Variants in ZBTB43 observed in about 807,000 individuals in gnomAD.
ZBTB43 encodes zinc finger and BTB domain containing 43.
A neutral mutation model predicts 31.1 loss-of-function variants in ZBTB43; 6 were observed. The observed-to-expected ratio is 0.19, with a 90% CI of 0.11 to 0.38. ZBTB43 has a LOEUF of 0.38. Among genes scored for constraint, ZBTB43 ranks in the 10% least tolerant of loss-of-function variants. The pLI, the probability that ZBTB43 is intolerant of heterozygous loss-of-function variation, is 1.00. For synonymous variants in ZBTB43, 212 were observed against 221.7 expected (o/e 0.96, Z 0.39); for missense variants, 379 against 602.1 (o/e 0.63, Z 3.88).
At chr9:126,815,335 TATATAGTTTTCAATATATAAAA>T (rs1261069211) in intron 2 of ZBTB43, among the ~76,000 whole-genome samples, 16 of 144,982 alleles carry the variant, frequency 1.1e-4, no homozygotes, top group African/African-American at 3.8e-4. Context: ...TAAAACTATA[TATATAGTTTTCAATATATAAAA>T]ATATATATAT....
At position 126,826,013 on chromosome 9, in the gene ZBTB43, AT is replaced by A. The variant is rs35825124; in HGVS notation, c.-23-6457del. Among the ~76,000 whole-genome samples the A allele has an allele frequency of 4.7e-3, 568 of 120,988 alleles. 6 individuals carry two copies. Among genetic ancestry groups the A allele is most frequent in the Middle Eastern group, 0.017 (4 of 232 alleles). 79.4% of individuals were successfully genotyped at this position (120,988 alleles called of 152,430 possible). ...AGGCTCATGACACCATGCCCAGCCA[AT>A]TTTTTTTTTTTTTTTTGAGATGAAG... On this transcript the variant is annotated intron_variant, in intron 2 of 2. Coordinates refer to ENST00000373464, the MANE Select transcript of ZBTB43 (RefSeq NM_014007.4).
chr9:126,817,499 G>A (rs111926263), intron 2 of ZBTB43, among the ~76,000 whole-genome samples: 22,214 of 139,108 alleles, frequency 0.16, 2,055 homozygotes, highest in Middle Eastern at 0.25. Context: ...TTTTTGAGAC[G>A]GAGTCTCGCT....
In ZBTB43 at chr9:126,814,461, C is replaced by T. The variant is rs114631550; in HGVS notation, c.-24+5546C>T. Among the ~76,000 whole-genome samples the T allele has an allele frequency of 3.8e-3, 564 of 149,660 alleles. 7 individuals carry two copies. The highest frequency in any genetic ancestry group is 0.013 in the African/African-American group (524 of 40,806). On this transcript the variant is annotated intron_variant, in intron 2 of 2. Transcript: ENST00000373464. ...ACTTTTTTTTTTTTAAACTTTTGAC[C>T]TTTTTGGTGATAAATTCTTTCAACT...
At chr9:126,829,519 A>C (rs918753774) in intron 2 of ZBTB43, among the ~76,000 whole-genome samples, 7 of 152,194 alleles carry the variant, frequency 4.6e-5, no homozygotes, top group African/African-American at 1.7e-4. Flanking sequence ...AGATATATTA[A>C]GTGACAAAAG....
Position 126,833,884 on chromosome 9 carries a change from G to A in ZBTB43, c.1375G>A (p.Ala459Thr). The A allele has an allele frequency of 6.3e-7, 1 of 1,589,692 alleles. No homozygotes were observed. Among genetic ancestry groups the A allele is most frequent in the Non-Finnish European group, 8.6e-7 (1 of 1,159,772 alleles). The change falls in exon 3 of 3, where the codon GCT (alanine) becomes ACT (threonine). Residue 459 changes from alanine (A) to threonine (T), a missense_variant. Physicochemically the swap from Ala to Thr is moderately conservative, Grantham distance 58. Transcript: ENST00000373464. This position sits in a 1 kb window ranked among gnomAD's most constrained non-coding sequence, Gnocchi z 7.9. Reference protein sequence around the residue: ...SCTKSYEAAKAEQNTTEAN With the variant: ...SCTKSYEAAKTEQNTTEAN The stretch of plus-strand genomic sequence containing the variant: ...TACTAAGTCCTACGAAGCTGCAAAG[G>A]CTGAGCAGAATACAACTGAGGCTAA...
At chr9:126,831,990 T>C (rs1023136344) in intron 2 of ZBTB43, 5 of 146,612 alleles carry the variant, frequency 3.4e-5, no homozygotes, top group Non-Finnish European at 7.4e-5. Flanking sequence ...CTGGACATGG[T>C]GGCATGTACA....
intron 2 of ZBTB43, among the ~76,000 whole-genome samples, chr9:126,811,805 T>C (rs1031380279): frequency 6.6e-6 from 1 of 152,262 alleles, no homozygotes. Flanking sequence ...TTTGTGTTTT[T>C]AGTAGAGACG....
chr9:126,832,670 G>A lies in ZBTB43; in HGVS notation c.161G>A (p.Ser54Asn). ...GCACACAAAGCCGTTCTTGCTGCCA[G>A]TTCACCCTACTTTTGTGACCAGGTA... ...FRAHKAVLAA[S>N]SPYFCDQVLL... Residue 54 changes from serine (S) to asparagine (N), a missense_variant, in exon 3 of 3, where the codon AGT becomes AAT. Transcript: ENST00000373464. 2 of 1,614,142 alleles carry A rather than the reference G, an allele frequency of 1.2e-6. No homozygotes were observed. Among genetic ancestry groups the A allele is most frequent in the Non-Finnish European group, 1.7e-6 (2 of 1,180,038 alleles).
intron 1 of ZBTB43, among the ~76,000 whole-genome samples, 184 bp from the exon 2 acceptor site, chr9:126,808,609 G>A (rs1021222242): frequency 2.0e-5 from 3 of 152,046 alleles, no homozygotes; most frequent in African/African-American, 7.2e-5. Flanking sequence ...TACAAAATAA[G>A]TTTGTTTTTT....
rs1564208008 is a variant in ZBTB43, at chr9:126,832,921, A to G, written c.412A>G (p.Ser138Gly). Residue 138 changes from serine (S) to glycine (G), a missense_variant, in exon 3 of 3, where the codon AGT becomes GGT. Coordinates refer to ENST00000373464, the MANE Select transcript of ZBTB43 (RefSeq NM_014007.4). ...TVLCQKLNHG[S>G]DHQSPSSSSY... Reference sequence around the variant, plus strand: ...CCTTTGTCAGAAGCTAAATCATGGCAGTGACCACCAGTCACCAAGCAGCAG... The same window carrying G: ...CCTTTGTCAGAAGCTAAATCATGGCGGTGACCACCAGTCACCAAGCAGCAG... 3.1e-6 allele frequency: 5 copies of G among 1,613,794 alleles called. No individual in the cohort carries two copies. Among genetic ancestry groups the G allele is most frequent in the African/African-American group, 1.3e-5 (1 of 74,926 alleles).
At position 126,833,397 on chromosome 9, in the gene ZBTB43, G is replaced by C. The variant is rs754413999; in HGVS notation, c.888G>C (p.Lys296Asn). The change falls in exon 3 of 3, where the codon AAG becomes AAC. Residue 296 changes from lysine (K) to asparagine (N), a missense_variant. This residue lies in a region of ZBTB43 where 253 missense variants were observed against 322.3 expected (regional missense o/e 0.79). Transcript: ENST00000373464. The surrounding 1 kb of genome is among the most constrained non-coding windows in gnomAD (Gnocchi z 7.9). ...GVEEDFHIGE[K>N]KVEAEFDEQA... ...AGGAGGACTTCCACATCGGGGAGAAGAAAGTGGAAGCTGAGTTTGATGAAC... is the reference window on the plus strand; with the variant it reads ...AGGAGGACTTCCACATCGGGGAGAACAAAGTGGAAGCTGAGTTTGATGAAC... 1.9e-6 allele frequency: 3 copies of C among 1,614,064 alleles called. No homozygotes were observed. The highest frequency in any genetic ancestry group is 2.7e-5 in the African/African-American group (2 of 75,046).
intron 2 of ZBTB43, chr9:126,831,464 C>T (rs1278050666): frequency 6.6e-6 from 1 of 152,010 alleles, no homozygotes; most frequent in Non-Finnish European, 1.5e-5. Context: ...GATGGTGCCA[C>T]TACACTCCAG....
chr9:126,806,777 A>G (rs1476040643), intron 1 of ZBTB43, among the ~76,000 whole-genome samples: 1 of 152,068 alleles, frequency 6.6e-6, no homozygotes, highest in East Asian at 1.9e-4. Context: ...ATTGATTCCT[A>G]CTCTCTTTAC....
In ZBTB43 at chr9:126,833,934, G is replaced by A. The variant is rs1413013619; in HGVS notation, c.*21G>A. ...ACTAAAAATAGGATCTGGCCCTTGA[G>A]TGGCATGCACAAAAATAAACTATGG... On this transcript the variant is annotated 3_prime_UTR_variant, in exon 3 of 3. Transcript: ENST00000373464. The surrounding 1 kb of genome is among the most constrained non-coding windows in gnomAD (Gnocchi z 7.9). The A allele has an allele frequency of 6.5e-7, 1 of 1,549,206 alleles. No homozygotes were observed. Among genetic ancestry groups the A allele is most frequent in the Non-Finnish European group, 8.8e-7 (1 of 1,139,826 alleles).
chr9:126,828,252 CG>C (rs1018988687), intron 2 of ZBTB43, among the ~76,000 whole-genome samples: 3 of 151,496 alleles, frequency 2.0e-5, no homozygotes, highest in Non-Finnish European at 2.9e-5. Context: ...GGCGCGATCT[CG>C]GCTCACTGCA....
rs768683304 is a variant in ZBTB43 at position 126,833,229 on chromosome 9, C to G, written c.720C>G (p.His240Gln). 21 of 1,613,556 alleles carry G rather than the reference C, an allele frequency of 1.3e-5. No individual in the cohort carries two copies. Among genetic ancestry groups the G allele is most frequent in the Non-Finnish European group, 1.8e-5 (21 of 1,180,024 alleles). ...ACAGCAAGCCCAGCATCATGGCTCACAAACGCTGGATCCACGTGAAGCCCG... is the reference window on the plus strand; with the variant it reads ...ACAGCAAGCCCAGCATCATGGCTCAGAAACGCTGGATCCACGTGAAGCCCG... Reference protein sequence around the residue: ...PMYSKPSIMAHKRWIHVKPER... With the variant: ...PMYSKPSIMAQKRWIHVKPER... The change falls in exon 3 of 3, where the codon CAC becomes CAG. Residue 240 changes from histidine to glutamine, a missense_variant. His to Gln is a conservative substitution (Grantham distance 24, BLOSUM62 0). Coordinates refer to ENST00000373464, the MANE Select transcript of ZBTB43 (RefSeq NM_014007.4). This position sits in a 1 kb window ranked among gnomAD's most constrained non-coding sequence, Gnocchi z 7.9.
At chr9:126,808,755 C>G (rs2032181711) in intron 1 of ZBTB43, 38 bp from the exon 2 acceptor site, 1 of 152,202 alleles carries the variant, frequency 6.6e-6, no homozygotes, top group African/African-American at 2.4e-5. Flanking sequence ...GTGTACATAG[C>G]ATCTCTTTTA....
At chr9:126,818,102 G>A (rs1231913152) in intron 2 of ZBTB43, among the ~76,000 whole-genome samples, 1 of 146,604 alleles carries the variant, frequency 6.8e-6, no homozygotes, top group East Asian at 2.0e-4. Flanking sequence ...GCAGTGTTTT[G>A]TAGTTTTTTT....
rs2032881001 is a variant in ZBTB43, at chr9:126,836,472, G to A, written c.*2559G>A. The A allele has an allele frequency of 1.2e-5, 2 of 167,042 alleles. No homozygotes were observed. Among genetic ancestry groups the A allele is most frequent in the South Asian group, 4.1e-4 (2 of 4,824 alleles). The allele number at this position is 167,042 out of a possible 1,614,324, so 10.3% of individuals were successfully genotyped here. A position where few individuals can be genotyped will look rare whatever the true frequency, so the allele number is the denominator to read the frequency against. On this transcript the variant is annotated 3_prime_UTR_variant, in exon 3 of 3. Transcript: ENST00000373464. ...GCCAGAGCCTGGGAGGTGGTAGGGT[G>A]TCTGAAATGCTGGCCATGTTCAGAG...
Sources: gnomAD v4.1 joint callset for allele counts (sites outside exome capture counted in the v4.1 genomes callset) on GRCh38, gnomAD v4.1.1 for gene constraint, gnomAD v4.1.1 regional missense constraint, Gnocchi (gnomAD v3.1) non-coding constraint, MANE v1.5 for transcripts, NCBI Gene and HGNC (gene_info 2026-07-23, HGNC 2026-07-21) for gene names.